KRT15: variants seen among roughly 807,000 people sequenced by gnomAD.
KRT15 encodes the protein keratin, type I cytoskeletal 15.
KRT15 carries 45 observed loss-of-function variants against 46.6 expected under a neutral mutation model. The ratio of observed to expected loss-of-function variants is 0.97; its 90% CI spans 0.76 to 1.24. The LOEUF (loss-of-function observed/expected upper bound fraction) is 1.24, where lower values mean the gene tolerates loss of function less well. KRT15 is among the 50% of genes most tolerant of loss of function. KRT15 has a pLI of 0.00. For synonymous variants in KRT15, 221 were observed against 233.8 expected (o/e 0.95, Z 0.50); for missense variants, 592 against 588.9 (o/e 1.01, Z -0.05).
Position 41,517,073 on chromosome 17 carries a change from G to A in KRT15, c.581+10C>T. 2 of 1,614,182 alleles carry A rather than the reference G, an allele frequency of 1.2e-6. No individual in the cohort carries two copies. Among genetic ancestry groups the A allele is most frequent in the Non-Finnish European group, 8.5e-7 (1 of 1,180,020 alleles). On this transcript the variant is annotated intron_variant, in intron 2 of 7. Coordinates refer to ENST00000254043, the MANE Select transcript of KRT15 (RefSeq NM_002275.4). ...CAATGCAGGAAGAGGAGAGAGACGGGGGAGCGCACTTGAGCCTGAAGTCGT... is the reference window on the plus strand; with the variant it reads ...CAATGCAGGAAGAGGAGAGAGACGGAGGAGCGCACTTGAGCCTGAAGTCGT...
At chr17:41,514,731 G>C in intron 6 of KRT15, 57 bp from the exon 7 acceptor site, 3 of 1,586,526 alleles carry the variant, frequency 1.9e-6, no homozygotes, top group Non-Finnish European at 2.6e-6. Context: ...GTGTCCGTAA[G>C]GGAAGCTCAT....
chr17:41,515,407 G>A, intron 6 of KRT15, 65 bp downstream of exon 6: 4 of 1,424,436 alleles, frequency 2.8e-6, no homozygotes, highest in Non-Finnish European at 3.9e-6. Flanking sequence ...CATTCCCTTA[G>A]GATGACCCTG....
intron 7 of KRT15, 118 bp downstream of exon 7, chr17:41,514,531 G>A (rs1905266004): frequency 6.5e-6 from 6 of 922,860 alleles, no homozygotes; most frequent in East Asian, 5.1e-5. Context: ...TAATGAATGG[G>A]AATGTTCCCA....
At position 41,518,560 on chromosome 17, in the gene KRT15, C is replaced by T; in HGVS notation, c.268G>A (p.Gly90Ser). Residue 90 changes from glycine (G) to serine (S), a missense_variant, in exon 1 of 8, where the codon GGT (glycine) becomes AGT (serine). Gly to Ser is a moderately conservative substitution (Grantham distance 56). Transcript: ENST00000254043. ...GFGGGVGGGFGGGFGGGDGGL... is the reference protein window; with the variant it reads ...GFGGGVGGGFSGGFGGGDGGL... ...CCATCGCCACCACCAAAGCCACCACCAAAACCCCCACCAACGCCCCCTCCA... is the reference window on the plus strand; with the variant it reads ...CCATCGCCACCACCAAAGCCACCACTAAAACCCCCACCAACGCCCCCTCCA... The T allele has an allele frequency of 6.2e-7, 1 of 1,614,056 alleles. No homozygotes were observed. The highest frequency in any genetic ancestry group is 1.1e-5 in the South Asian group (1 of 91,074).
At position 41,516,893 on chromosome 17, in the gene KRT15, T is replaced by C; in HGVS notation, c.653A>G (p.Glu218Gly). 6.2e-7 allele frequency: 1 copy of C among 1,614,184 alleles called. No individual in the cohort carries two copies. ...CAGGTCAGTCCTGGCCAGGGTCAGC[T>C]CATCCAGGACTCGGCGCAAGCCGTT... ...DINGLRRVLDELTLARTDLEM... is the reference protein window; with the variant it reads ...DINGLRRVLDGLTLARTDLEM... The change falls in exon 3 of 8, where the codon GAG (glutamate) becomes GGG (glycine). Residue 218 changes from glutamate to glycine, a missense_variant. Glu to Gly is a moderately conservative substitution (Grantham distance 98). Coordinates refer to ENST00000254043, the MANE Select transcript of KRT15 (RefSeq NM_002275.4).
In KRT15 at chr17:41,516,087, C is replaced by A; in HGVS notation, c.900+17G>T. ...GGGACCTGGGGCAGGAAGGGCAGGG[C>A]AGGATATAAGGCCCACCTTGCTGAA... On this transcript the variant is annotated intron_variant, in intron 4 of 7. Transcript: ENST00000254043. The A allele has an allele frequency of 6.2e-7, 1 of 1,614,102 alleles. No homozygotes were observed.
At position 41,518,664 on chromosome 17, in the gene KRT15, C is replaced by G. The variant is rs767015435; in HGVS notation, c.164G>C (p.Gly55Ala). 6.2e-7 allele frequency: 1 copy of G among 1,613,430 alleles called. No individual in the cohort carries two copies. The part of the protein sequence containing the change: ...SASSARFVSS[G>A]SGGGYGGGMR... ...GCCACCCCCATATCCTCCTCCTGACCCTGAAGAGACAAACCTAGCAGAAGA... is the reference window on the plus strand; with the variant it reads ...GCCACCCCCATATCCTCCTCCTGACGCTGAAGAGACAAACCTAGCAGAAGA... Residue 55 changes from glycine to alanine, a missense_variant, in exon 1 of 8, where the codon GGG becomes GCG. Transcript: ENST00000254043.
chr17:41,516,141 T>C lies in KRT15; in HGVS notation c.863A>G (p.Lys288Arg). ...MREQYEAMAE[K>R]NRRDVEAWFF... Reference sequence around the variant, plus strand: ...CCAGGCCTCGACATCCCGGCGGTTCTTCTCCGCCATGGCCTCGTACTGCTC... The same window carrying C: ...CCAGGCCTCGACATCCCGGCGGTTCCTCTCCGCCATGGCCTCGTACTGCTC... Residue 288 changes from lysine to arginine, a missense_variant, in exon 4 of 8, where the codon AAG becomes AGG. Transcript: ENST00000254043. The C allele has an allele frequency of 1.2e-6, 2 of 1,614,194 alleles. No individual in the cohort carries two copies. The highest frequency in any genetic ancestry group is 1.1e-5 in the South Asian group (1 of 91,088).
Position 41,515,560 on chromosome 17 carries a change from G to T in KRT15, c.1159C>A (p.Gln387Lys), listed in dbSNP as rs1905313875. 2 of 1,614,028 alleles carry T rather than the reference G, an allele frequency of 1.2e-6. No individual in the cohort carries two copies. Among genetic ancestry groups the T allele is most frequent in the Admixed American group, 1.7e-5 (1 of 60,014 alleles). Residue 387 changes from glutamine (Q) to lysine (K), a missense_variant, in exon 6 of 8, where the codon CAG (glutamine) becomes AAG (lysine). Physicochemically the swap from Gln to Lys is moderately conservative, Grantham distance 53. Coordinates refer to ENST00000254043, the MANE Select transcript of KRT15 (RefSeq NM_002275.4). ...ELRCEMEAQNQEYKMLLDIKT... is the reference protein window; with the variant it reads ...ELRCEMEAQNKEYKMLLDIKT... ...ATGTCAAGCAGCATCTTGTACTCCT[G>T]GTTCTGAGCCTCCATCTCGCATCGG... is the stretch of plus-strand genomic sequence containing the variant.
At position 41,515,504 on chromosome 17, in the gene KRT15, A is replaced by T. The variant is rs755706893; in HGVS notation, c.1215T>A (p.Thr405=). The T allele has an allele frequency of 6.2e-7, 1 of 1,613,836 alleles. No homozygotes were observed. The highest frequency in any genetic ancestry group is 8.5e-7 in the Non-Finnish European group (1 of 1,180,032). The change falls in exon 6 of 8, where the codon ACT becomes ACA. Residue 405 remains threonine, a synonymous_variant. Coordinates refer to ENST00000254043, the MANE Select transcript of KRT15 (RefSeq NM_002275.4). ...CCTGGCCCTCGAGCAGGCTGCGGTAAGTAGCGATCTCCTGCTCCAGCCGTG... is the reference window on the plus strand; with the variant it reads ...CCTGGCCCTCGAGCAGGCTGCGGTATGTAGCGATCTCCTGCTCCAGCCGTG... ...IKTRLEQEIA[T]YRSLLEGQDA...
At position 41,518,371 on chromosome 17, in the gene KRT15, A is replaced by G. The variant is rs1191153465; in HGVS notation, c.457T>C (p.Tyr153His). 1.2e-6 allele frequency: 2 copies of G among 1,613,906 alleles called. No individual in the cohort carries two copies. Among genetic ancestry groups the G allele is most frequent in the East Asian group, 4.5e-5 (2 of 44,892 alleles). The change falls in exon 1 of 8, where the codon TAC becomes CAC. Residue 153 changes from tyrosine to histidine, a missense_variant. Transcript: ENST00000254043. ...KQTPTSPECD[Y>H]SQYFKTIEEL... is the part of the protein sequence containing the mutation. ...TCAATGGTCTTGAAGTATTGGCTGT[A>G]GTCGCATTCTGGGCTGGTTGGGGTC...
Position 41,518,820 on chromosome 17 carries a change from G to A in KRT15, c.8C>T (p.Thr3Ile), listed in dbSNP as rs757405421. 1.3e-6 allele frequency: 2 copies of A among 1,536,274 alleles called. No homozygotes were observed. Among genetic ancestry groups the A allele is most frequent in the East Asian group, 4.5e-5 (2 of 44,420 alleles). Residue 3 changes from threonine to isoleucine, a missense_variant, in exon 1 of 8, where the codon ACC becomes ATC. Coordinates refer to ENST00000254043, the MANE Select transcript of KRT15 (RefSeq NM_002275.4). ...GGAGGAAGAAGTTTGCAGAAATGTGGTGGTCATGGCCAGGTAGCTGGAGCC... is the reference window on the plus strand; with the variant it reads ...GGAGGAAGAAGTTTGCAGAAATGTGATGGTCATGGCCAGGTAGCTGGAGCC... MT[T>I]TFLQTSSSTF...
chr17:41,515,087 G>A (rs911149277), intron 6 of KRT15: 28 of 290,166 alleles, frequency 9.6e-5, no homozygotes, highest in Non-Finnish European at 1.4e-4. Flanking sequence ...TGCTGGTCTC[G>A]AACTCCTGAC....
chr17:41,516,826 C>G lies in KRT15; in HGVS notation c.720G>C (p.Leu240=). The part of the protein sequence containing the change: ...IEGLNEELAY[L]KKNHEEEMKE... ...CTCTCACCTCTTCGTGGTTCTTCTT[C>G]AGGTAGGCTAGCTCCTCATTCAGGC... Residue 240 remains leucine, a synonymous_variant, in exon 3 of 8, where the codon CTG becomes CTC. Transcript: ENST00000254043. The G allele has an allele frequency of 6.2e-7, 1 of 1,614,214 alleles. No individual in the cohort carries two copies. The highest frequency in any genetic ancestry group is 8.5e-7 in the Non-Finnish European group (1 of 1,180,028).
chr17:41,517,790 T>A (rs1052983674), intron 1 of KRT15, among the ~76,000 whole-genome samples: 2 of 152,194 alleles, frequency 1.3e-5, no homozygotes, highest in Non-Finnish European at 2.9e-5. Flanking sequence ...CTGGAACTCA[T>A]GAGGCCACAC....
rs1384431602 is a variant in KRT15 at position 41,515,222 on chromosome 17, T to C, written c.1247+250A>G. 6 of 552,844 alleles carry C rather than the reference T, an allele frequency of 1.1e-5. No individual in the cohort carries two copies. In the East Asian group the frequency reaches 1.8e-4, roughly 17 times the overall value. The allele number at this position is 552,844 out of a possible 1,614,324, so 34.2% of individuals were successfully genotyped here. A position where few individuals can be genotyped will look rare whatever the true frequency, so the allele number is the denominator to read the frequency against. ...CTCATGCAGAGAATGGAATGAGCAC[T>C]AGATCTTAACTACCACTAGCCCAGC... On this transcript the variant is annotated intron_variant, in intron 6 of 7. Transcript: ENST00000254043.
At chr17:41,516,346 G>T in intron 3 of KRT15, 81 bp from the exon 4 acceptor site, 1 of 1,468,132 alleles carries the variant, frequency 6.8e-7, no homozygotes, top group Non-Finnish European at 9.3e-7. Flanking sequence ...GCCAATCCTG[G>T]CTCTGCCCGT....
Position 41,513,994 on chromosome 17 carries a change from G to T in KRT15, c.*29C>A. The T allele has an allele frequency of 1.3e-6, 2 of 1,530,252 alleles. No homozygotes were observed. The highest frequency in any genetic ancestry group is 9.1e-7 in the Non-Finnish European group (1 of 1,103,670). The allele number at this position is 1,530,252 out of a possible 1,614,324, so 94.8% of individuals were successfully genotyped here. ...CTTGGCCTGATGAGAGTGGGGAGTG[G>T]CAAGGGACGTTTCTCCTGCAATAGA... is the stretch of plus-strand genomic sequence containing the variant. On this transcript the variant is annotated 3_prime_UTR_variant, in exon 8 of 8. Transcript: ENST00000254043.
At position 41,518,697 on chromosome 17, in the gene KRT15, A is replaced by G; in HGVS notation, c.131T>C (p.Ile44Thr). 6.2e-7 allele frequency: 1 copy of G among 1,612,382 alleles called. No individual in the cohort carries two copies. Among genetic ancestry groups the G allele is most frequent in the Non-Finnish European group, 8.5e-7 (1 of 1,178,742 alleles). ...GACAAACCTAGCAGAAGAAGCTGAG[A>G]TACTTCGGCTTCCACCTCCCCCAGA... is the stretch of plus-strand genomic sequence containing the variant. ...SLSGGGGSRS[I>T]SASSARFVSS... is the part of the protein sequence containing the mutation. Residue 44 changes from isoleucine (I) to threonine (T), a missense_variant, in exon 1 of 8, where the codon ATC becomes ACC. Transcript: ENST00000254043.
Sources: gnomAD v4.1 joint callset for allele counts (sites outside exome capture counted in the v4.1 genomes callset) on GRCh38, gnomAD v4.1.1 for gene constraint, MANE v1.5 for transcripts, NCBI Gene and HGNC (gene_info 2026-07-23, HGNC 2026-07-21) for gene names.